Variants in SLC5A12 observed in about 807,000 individuals in gnomAD.
SLC5A12 encodes sodium-coupled monocarboxylate transporter 2.
SLC5A12 carries 46 observed loss-of-function variants against 72.7 expected under a neutral mutation model. The observed-to-expected ratio is 0.63, with a 90% confidence interval of 0.50 to 0.81. The LOEUF (loss-of-function observed/expected upper bound fraction) is 0.81. SLC5A12 is among the 30% of genes least tolerant of loss of function. SLC5A12 has a pLI of 0.00. For missense variants in SLC5A12, 683 were observed against 740.7 expected (o/e 0.92, Z 0.90); for synonymous variants, 275 against 264.4 (o/e 1.04, Z -0.39).
At chr11:26,679,440 A>C (rs1854339510) in intron 12 of SLC5A12, among the ~76,000 whole-genome samples, 1 of 152,148 alleles carries the variant, frequency 6.6e-6, no homozygotes, top group Non-Finnish European at 1.5e-5. Context: ...AACCATGAAT[A>C]GGTTGAAATT....
Position 26,698,555 on chromosome 11 carries a change from C to A in SLC5A12, c.822-20G>T, listed in dbSNP as rs770000290. 3 of 1,613,128 alleles carry A rather than the reference C, an allele frequency of 1.9e-6. No individual in the cohort carries two copies. Among genetic ancestry groups the A allele is most frequent in the Non-Finnish European group, 2.5e-6 (3 of 1,179,448 alleles). On this transcript the variant is annotated intron_variant, in intron 6 of 14. Coordinates refer to ENST00000396005, the MANE Select transcript of SLC5A12 (RefSeq NM_178498.4). The stretch of plus-strand genomic sequence containing the variant: ...AAGGCACTAGAAAAGAGCACATGGG[C>A]CTATTGGTAGCCTGTATACCATATC...
rs1352239721 is a variant in SLC5A12 at position 26,721,706 on chromosome 11, C to T, written c.9G>A (p.Val3=). The stretch of plus-strand genomic sequence containing the variant: ...CATAATCCCAAACTGCAAAGTTCTT[C>T]ACCTCCATATTGGAAAGTATGACAC... ME[V]KNFAVWDYVV... The change falls in exon 1 of 15, where the codon GTG becomes GTA. Residue 3 remains valine (V), a synonymous_variant. Transcript: ENST00000396005. 2 of 1,612,792 alleles carry T rather than the reference C, an allele frequency of 1.2e-6. No homozygotes were observed. The highest frequency in any genetic ancestry group is 1.1e-5 in the South Asian group (1 of 90,984).
chr11:26,667,387 C>G lies in SLC5A12; in HGVS notation c.*3715G>C, dbSNP rs1009033839. On this transcript the variant is annotated 3_prime_UTR_variant, in exon 15 of 15. Coordinates refer to ENST00000396005, the MANE Select transcript of SLC5A12 (RefSeq NM_178498.4). ...CACAAAAATATTTCAGTAATATTCT[C>G]TTTGAAATACTGTTTGAAAGCCACA... The G allele has an allele frequency of 6.6e-6, 1 of 152,054 alleles. No individual in the cohort carries two copies. Among genetic ancestry groups the G allele is most frequent in the South Asian group, 2.1e-4 (1 of 4,822 alleles). The allele number at this position is 152,054 out of a possible 1,614,324, so 9.4% of individuals were successfully genotyped here.
At position 26,667,221 on chromosome 11, in the gene SLC5A12, T is replaced by C. The variant is rs183817558; in HGVS notation, c.*3881A>G. On this transcript the variant is annotated 3_prime_UTR_variant, in exon 15 of 15. Transcript: ENST00000396005. ...AGATTAAGTACATGAGACTTGTAAA[T>C]ATACAAATGTGCATGTACATACAGC... The C allele has an allele frequency of 7.2e-5, 11 of 152,054 alleles. No homozygotes were observed. The East Asian group carries it at 2.1e-3, about 29-fold the overall frequency. 9.4% of individuals were successfully genotyped at this position (152,054 alleles called of 1,614,324 possible). A position where few individuals can be genotyped will look rare whatever the true frequency, so the allele number is the denominator to read the frequency against.
chr11:26,699,900 T>C (rs1048259147), intron 6 of SLC5A12, among the ~76,000 whole-genome samples: 1 of 152,078 alleles, frequency 6.6e-6, no homozygotes, highest in Admixed American at 6.5e-5. Context: ...TATAAAATTA[T>C]TTTTTTGGTA....
chr11:26,673,593 A>G, intron 13 of SLC5A12, 64 bp from the exon 14 acceptor site: 1 of 1,451,750 alleles, frequency 6.9e-7, no homozygotes, highest in South Asian at 1.6e-5. Flanking sequence ...TTACAGATTT[A>G]AACATTGTCA....
At chr11:26,692,741 A>G (rs1854714181) in intron 8 of SLC5A12, 140 bp from the exon 9 acceptor site, 1 of 601,538 alleles carries the variant, frequency 1.7e-6, no homozygotes, top group Non-Finnish European at 3.0e-6. Context: ...CTGAGACTCC[A>G]TGGGAACTAT....
At chr11:26,675,969 C>CTGTGTGTGTG (rs10695732) in intron 13 of SLC5A12, among the ~76,000 whole-genome samples, 1,970 of 150,704 alleles carry the variant, frequency 0.013, 36 homozygotes, top group African/African-American at 0.04. Context: ...GTGCATGTAT[C>CTGTGTGTGTG]TGTGTGTGTG....
At position 26,682,786 on chromosome 11, in the gene SLC5A12, T is replaced by C. The variant is rs149236071; in HGVS notation, c.1308+971A>G. On this transcript the variant is annotated intron_variant, in intron 11 of 14. Coordinates refer to ENST00000396005, the MANE Select transcript of SLC5A12 (RefSeq NM_178498.4). The stretch of plus-strand genomic sequence containing the variant: ...CTCATATTTTTTGTGGCTAGGATAT[T>C]GTCTTCCCTCACATTATCTCCCCAA... Among the ~76,000 whole-genome samples the C allele has an allele frequency of 3.6e-3, 541 of 152,278 alleles. 3 individuals carry two copies. The highest frequency in any genetic ancestry group is 9.3e-3 in the African/African-American group (387 of 41,560).
intron 1 of SLC5A12, among the ~76,000 whole-genome samples, chr11:26,718,947 T>G (rs1855415875): frequency 6.6e-6 from 1 of 152,214 alleles, no homozygotes; most frequent in South Asian, 2.1e-4. Context: ...GTAAATATTT[T>G]AAAAACAATT....
intron 9 of SLC5A12, among the ~76,000 whole-genome samples, chr11:26,690,646 TAAAA>T (rs747754564): frequency 1.1e-5 from 1 of 92,776 alleles, no homozygotes; most frequent in African/African-American, 4.1e-5. Flanking sequence ...CCACCTCTAC[TAAAA>T]AAAAAAAAAA....
chr11:26,703,963 T>C lies in SLC5A12; in HGVS notation c.526-16A>G. The C allele has an allele frequency of 6.2e-7, 1 of 1,612,984 alleles. No homozygotes were observed. The highest frequency in any genetic ancestry group is 8.5e-7 in the Non-Finnish European group (1 of 1,179,268). Reference sequence around the variant, plus strand: ...TTAATCCTCCCTGAAATAGAGAGAATGTTTGAGTCCTTGAAAACAAACCCT... The same window carrying C: ...TTAATCCTCCCTGAAATAGAGAGAACGTTTGAGTCCTTGAAAACAAACCCT... On this transcript the variant is annotated splice_polypyrimidine_tract_variant and intron_variant, in intron 4 of 14. Transcript: ENST00000396005.
intron 14 of SLC5A12, among the ~76,000 whole-genome samples, chr11:26,673,115 A>G (rs991617118): frequency 4.6e-5 from 7 of 152,132 alleles, no homozygotes. Context: ...TCTATTATTC[A>G]CTTTTATGTC....
intron 3 of SLC5A12, among the ~76,000 whole-genome samples, chr11:26,711,006 A>G (rs1353088643): frequency 6.6e-6 from 1 of 152,110 alleles, no homozygotes; most frequent in East Asian, 1.9e-4. Context: ...TTAGCAACAT[A>G]TACAATACCG....
chr11:26,682,241 C>A (rs1480841090), intron 11 of SLC5A12, among the ~76,000 whole-genome samples: 5 of 152,060 alleles, frequency 3.3e-5, no homozygotes, highest in East Asian at 3.9e-4. Context: ...AAATATTATT[C>A]TTCTTTTGAC....
chr11:26,687,976 C>T (rs904622407), intron 9 of SLC5A12, among the ~76,000 whole-genome samples: 1 of 152,182 alleles, frequency 6.6e-6, no homozygotes, highest in Non-Finnish European at 1.5e-5. Flanking sequence ...AGAAGAAAGA[C>T]ATGTTTTTTC....
At chr11:26,672,976 G>A (rs1854178551) in intron 14 of SLC5A12, among the ~76,000 whole-genome samples, 1 of 152,108 alleles carries the variant, frequency 6.6e-6, no homozygotes, top group Admixed American at 6.6e-5. Flanking sequence ...AGAAAAGCTG[G>A]AGTTGAGGAG....
chr11:26,694,618 C>T (rs932245361), intron 8 of SLC5A12, among the ~76,000 whole-genome samples: 3 of 152,036 alleles, frequency 2.0e-5, no homozygotes, highest in African/African-American at 7.2e-5. Context: ...AACAAGTTAG[C>T]AGTACACTAA....
rs79750925 is a variant in SLC5A12, at chr11:26,679,668, G to C, written c.1476-853C>G. ...AGCTTAAGGACCCAAATGTAGGAAAGAGTGGGATAAGCATAGGTAGACGAG... is the reference window on the plus strand; with the variant it reads ...AGCTTAAGGACCCAAATGTAGGAAACAGTGGGATAAGCATAGGTAGACGAG... On this transcript the variant is annotated intron_variant, in intron 12 of 14. Coordinates refer to ENST00000396005, the MANE Select transcript of SLC5A12 (RefSeq NM_178498.4). 4.7e-3 allele frequency among the ~76,000 whole-genome samples: 714 copies of C among 152,272 alleles called. 3 individuals are homozygous for C. Among genetic ancestry groups the C allele is most frequent in the Non-Finnish European group, 7.0e-3 (473 of 68,020 alleles).
Sources: allele counts gnomAD v4.1 joint callset (sites outside exome capture counted in the v4.1 genomes callset), GRCh38; gene constraint gnomAD v4.1.1; transcripts MANE v1.5; gene names NCBI Gene and HGNC (gene_info 2026-07-23, HGNC 2026-07-21).